Variants in CAMK2D observed in about 807,000 individuals in gnomAD.
The protein encoded by CAMK2D is calcium/calmodulin-dependent protein kinase type II subunit delta.
CAMK2D carries 37 observed loss-of-function variants against 84.0 expected under a neutral mutation model. The observed-to-expected ratio is 0.44, with a 90% CI of 0.34 to 0.58. The LOEUF (loss-of-function observed/expected upper bound fraction) is 0.58, where lower values mean the gene tolerates loss of function less well. Among genes scored for constraint, CAMK2D ranks in the 20% least tolerant of loss-of-function variants. The pLI, the probability that CAMK2D is intolerant of heterozygous loss-of-function variation, is 0.02. For synonymous variants in CAMK2D, 202 were observed against 212.5 expected (o/e 0.95, Z 0.43); for missense variants, 448 against 652.5 (o/e 0.69, Z 3.41).
At chr4:113,611,077 C>CAA (rs2098998394) in intron 3 of CAMK2D, among the ~76,000 whole-genome samples, 1 of 142,574 alleles carries the variant, frequency 7.0e-6, no homozygotes, top group African/African-American at 2.6e-5. Context: ...CACACACACA[C>CAA]AATGTATATA....
At chr4:113,502,304 C>T (rs939938084) in intron 15 of CAMK2D, among the ~76,000 whole-genome samples, 9 of 151,828 alleles carry the variant, frequency 5.9e-5, no homozygotes, top group African/African-American at 2.2e-4. Context: ...AGTTAAACCC[C>T]TGTTACTGGA....
intron 2 of CAMK2D, among the ~76,000 whole-genome samples, chr4:113,755,793 T>C (rs1458435951): frequency 6.6e-5 from 10 of 151,962 alleles, no homozygotes; most frequent in Non-Finnish European, 1.2e-4. Context: ...TTGGCTTTTG[T>C]TAAGTACTAA....
intron 2 of CAMK2D, among the ~76,000 whole-genome samples, chr4:113,715,071 C>T (rs2099509382): frequency 6.6e-6 from 1 of 152,018 alleles, no homozygotes; most frequent in Non-Finnish European, 1.5e-5. Flanking sequence ...CTTCTACAAC[C>T]TTTATTAGAT....
chr4:113,636,156 C>T (rs1020587155), intron 3 of CAMK2D, among the ~76,000 whole-genome samples: 1 of 152,148 alleles, frequency 6.6e-6, no homozygotes, highest in African/African-American at 2.4e-5. Context: ...AACATTCTAC[C>T]TCACTCCCAG....
At chr4:113,611,262 T>C (rs565531779) in intron 3 of CAMK2D, among the ~76,000 whole-genome samples, 1 of 152,284 alleles carries the variant, frequency 6.6e-6, no homozygotes, top group South Asian at 2.1e-4. Context: ...TTTAGTACAA[T>C]AAAGAAAGCT....
chr4:113,713,263 G>GATAA (rs1339947352), intron 2 of CAMK2D, among the ~76,000 whole-genome samples: 1 of 151,712 alleles, frequency 6.6e-6, no homozygotes, highest in Non-Finnish European at 1.5e-5. Context: ...AAATCCTTGA[G>GATAA]TATATGAATG....
intron 3 of CAMK2D, among the ~76,000 whole-genome samples, chr4:113,656,428 T>G (rs996884680): frequency 1.6e-4 from 25 of 152,184 alleles, no homozygotes; most frequent in African/African-American, 5.8e-4. Flanking sequence ...CTGATAAGAC[T>G]AGATTCTGAT....
chr4:113,577,730 T>G (rs1192151354), intron 4 of CAMK2D, among the ~76,000 whole-genome samples: 1 of 149,682 alleles, frequency 6.7e-6, no homozygotes, highest in Non-Finnish European at 1.5e-5. Flanking sequence ...GTGTTACAGT[T>G]TTTTCCTTTG....
intron 16 of CAMK2D, among the ~76,000 whole-genome samples, chr4:113,494,898 AT>A (rs1200395510): frequency 6.6e-6 from 1 of 152,058 alleles, no homozygotes; most frequent in Non-Finnish European, 1.5e-5. Context: ...GAGTGACCCG[AT>A]TTTCCAGGTC....
intron 3 of CAMK2D, among the ~76,000 whole-genome samples, chr4:113,658,545 A>T (rs781389456): frequency 4.6e-5 from 7 of 152,172 alleles, no homozygotes; most frequent in Non-Finnish European, 8.8e-5. Context: ...GAATACCCCA[A>T]CACCCAGTAT....
chr4:113,724,295 C>T lies in CAMK2D; in HGVS notation c.160+35025G>A, dbSNP rs1190649691. On this transcript the variant is annotated intron_variant, in intron 2 of 20. Coordinates refer to ENST00000511664, the MANE Select transcript of CAMK2D (RefSeq NM_001321571.2). ...TAAAATTATACTTTTTTTCTTTTTACGATTCTCGGCATATTGTTTTACTAG... is the reference window on the plus strand; with the variant it reads ...TAAAATTATACTTTTTTTCTTTTTATGATTCTCGGCATATTGTTTTACTAG... Among the ~76,000 whole-genome samples the T allele has an allele frequency of 7.9e-5, 12 of 151,426 alleles. 1 individual carries two copies. In the South Asian group the frequency reaches 1.5e-3, roughly 18 times the overall value.
At chr4:113,537,688 T>C (rs1013810573) in intron 6 of CAMK2D, among the ~76,000 whole-genome samples, 18 of 152,100 alleles carry the variant, frequency 1.2e-4, no homozygotes, top group African/African-American at 3.1e-4. Flanking sequence ...GAGAATACAC[T>C]TGGGGAGGGA....
chr4:113,603,457 AATC>A (rs2098962474), intron 4 of CAMK2D, among the ~76,000 whole-genome samples: 1 of 143,326 alleles, frequency 7.0e-6, no homozygotes, highest in African/African-American at 2.6e-5. Flanking sequence ...TAAAATTGGA[AATC>A]ATCATTCTCA....
At chr4:113,486,902 T>C (rs1460211674) in intron 16 of CAMK2D, among the ~76,000 whole-genome samples, 1 of 152,184 alleles carries the variant, frequency 6.6e-6, no homozygotes, top group East Asian at 1.9e-4. Context: ...CTCTCAATCA[T>C]TTGTGTCTTT....
At chr4:113,672,341 G>A (rs2099291884) in intron 2 of CAMK2D, among the ~76,000 whole-genome samples, 1 of 152,086 alleles carries the variant, frequency 6.6e-6, no homozygotes, top group Non-Finnish European at 1.5e-5. Flanking sequence ...ATGTGTAAAG[G>A]TATATTTATT....
chr4:113,680,797 C>T (rs1251720817), intron 2 of CAMK2D, among the ~76,000 whole-genome samples: 1 of 152,144 alleles, frequency 6.6e-6, no homozygotes, highest in African/African-American at 2.4e-5. Flanking sequence ...AGTGATGGCA[C>T]CATCCTGTGC....
chr4:113,480,717 T>A (rs2097691561), intron 16 of CAMK2D, among the ~76,000 whole-genome samples: 1 of 152,180 alleles, frequency 6.6e-6, no homozygotes, highest in African/African-American at 2.4e-5. Flanking sequence ...GGCGGGTGCC[T>A]GTAATCCCAG....
intron 4 of CAMK2D, among the ~76,000 whole-genome samples, chr4:113,590,090 C>T (rs1422337061): frequency 6.6e-6 from 1 of 152,072 alleles, no homozygotes; most frequent in Non-Finnish European, 1.5e-5. Context: ...GCTTCAGGGA[C>T]CAGCACTGTA....
intron 6 of CAMK2D, among the ~76,000 whole-genome samples, chr4:113,542,710 G>A (rs1189176322): frequency 5.2e-5 from 7 of 133,600 alleles, no homozygotes; most frequent in East Asian, 2.0e-4. Context: ...GCGAGATTCC[G>A]TCTCAAAAAA....
Sources: gnomAD v4.1 joint callset for allele counts (sites outside exome capture counted in the v4.1 genomes callset) on GRCh38, gnomAD v4.1.1 for gene constraint, MANE v1.5 for transcripts, NCBI Gene and HGNC (gene_info 2026-07-23, HGNC 2026-07-21) for gene names.